The following PCSK1 variants were observed in gnomAD, a reference collection of about 807,000 sequenced individuals.
PCSK1 encodes the protein neuroendocrine convertase 1.
A neutral mutation model predicts 90.6 loss-of-function variants in PCSK1; 56 were observed. The ratio of observed to expected loss-of-function variants is 0.62; its 90% confidence interval spans 0.50 to 0.77. PCSK1 has a LOEUF of 0.77. Among genes scored for constraint, PCSK1 ranks in the 30% least tolerant of loss-of-function variants. PCSK1 has a pLI of 0.00. For missense variants in PCSK1, 801 were observed against 932.6 expected (o/e 0.86, Z 1.84); for synonymous variants, 348 against 342.4 (o/e 1.02, Z -0.18).
intron 9 of PCSK1, among the ~76,000 whole-genome samples, chr5:96,401,465 T>C (rs547133019): frequency 2.0e-5 from 3 of 152,208 alleles, no homozygotes; most frequent in Non-Finnish European, 2.9e-5. Flanking sequence ...TACTTTATCT[T>C]TTGGGCAGTG....
chr5:96,425,069 A>AAAGG (rs1025828202), intron 3 of PCSK1, among the ~76,000 whole-genome samples: 8 of 147,904 alleles, frequency 5.4e-5, no homozygotes, highest in Admixed American at 2.0e-4. Context: ...AGAAAGAAAG[A>AAAGG]AAGAAAACGT....
chr5:96,416,153 T>A, intron 5 of PCSK1, 32 bp from the exon 6 acceptor site: 1 of 1,419,768 alleles, frequency 7.0e-7, no homozygotes, highest in Non-Finnish European at 1.0e-6. Flanking sequence ...TTATAAAACA[T>A]ACAGAAGAAC....
chr5:96,393,082 A>T lies in PCSK1; in HGVS notation c.2181T>A (p.Val727=). ...EDSLYNDYVD[V]FYNTKPYKHR... The stretch of plus-strand genomic sequence containing the variant: ...GCTTGTAAGGTTTAGTGTTATAAAA[A>T]ACATCAACATAGTCATTATACAGAC... The change falls in exon 14 of 14, where the codon GTT becomes GTA. Residue 727 remains valine, a synonymous_variant. Coordinates refer to ENST00000311106, the MANE Select transcript of PCSK1 (RefSeq NM_000439.5). 1 of 1,614,134 alleles carries T rather than the reference A, an allele frequency of 6.2e-7. No individual in the cohort carries two copies. The highest frequency in any genetic ancestry group is 2.2e-5 in the East Asian group (1 of 44,886).
intron 6 of PCSK1, chr5:96,412,777 G>A (rs200882906): frequency 5.4e-6 from 1 of 185,696 alleles, no homozygotes; most frequent in South Asian, 4.8e-5. Flanking sequence ...TTTTTTTTTG[G>A]TCCCACTCAA....
Position 96,393,281 on chromosome 5 carries a change from C to G in PCSK1, c.1982G>C (p.Gly661Ala), listed in dbSNP as rs544018373. Residue 661 changes from glycine (G) to alanine (A), a missense_variant, in exon 14 of 14, where the codon GGA (glycine) becomes GCA (alanine). Transcript: ENST00000311106. ...VGGRRDELEE[G>A]APSQAMLRLL... ...TCGCAGCATGGCCTGGGAAGGGGCT[C>G]CCTCCTCCAACTCATCCCTCCGGCC... 10 of 1,613,866 alleles carry G rather than the reference C, an allele frequency of 6.2e-6. No homozygotes were observed. The highest frequency in any genetic ancestry group is 8.5e-6 in the Non-Finnish European group (10 of 1,179,952).
chr5:96,407,278 C>T (rs548988513), intron 9 of PCSK1, among the ~76,000 whole-genome samples: 6 of 152,080 alleles, frequency 3.9e-5, no homozygotes, highest in African/African-American at 1.4e-4. Flanking sequence ...TTTTGTGAAC[C>T]AAGGCCATAA....
At chr5:96,401,171 A>G (rs1410844309) in intron 9 of PCSK1, among the ~76,000 whole-genome samples, 1 of 151,500 alleles carries the variant, frequency 6.6e-6, no homozygotes, top group African/African-American at 2.4e-5. Flanking sequence ...GGTGAGTGCT[A>G]TATTCATAGC....
At chr5:96,413,843 G>A (rs561970855) in intron 6 of PCSK1, among the ~76,000 whole-genome samples, 1 of 149,224 alleles carries the variant, frequency 6.7e-6, no homozygotes, top group African/African-American at 2.5e-5. Context: ...AAATCGGCCA[G>A]GTGCGGTGGC....
chr5:96,393,337 C>A lies in PCSK1; in HGVS notation c.1926G>T (p.Val642=). ...TQENPKENTL[V]SKSPSSSSVG... Reference sequence around the variant, plus strand: ...CGCTGCTGCTGCTGGGGCTTTTGGACACCAGGGTGTTCTCCTTAGGGTTCT... The same window carrying A: ...CGCTGCTGCTGCTGGGGCTTTTGGAAACCAGGGTGTTCTCCTTAGGGTTCT... Residue 642 remains valine (V), a synonymous_variant, in exon 14 of 14, where the codon GTG becomes GTT. Transcript: ENST00000311106. 6.2e-7 allele frequency: 1 copy of A among 1,614,126 alleles called. No homozygotes were observed. The highest frequency in any genetic ancestry group is 8.5e-7 in the Non-Finnish European group (1 of 1,179,998).
At chr5:96,430,348 T>C (rs1422741127) in intron 1 of PCSK1, among the ~76,000 whole-genome samples, 1 of 152,354 alleles carries the variant, frequency 6.6e-6, no homozygotes, top group East Asian at 1.9e-4. Context: ...CAACAGTATA[T>C]TACAGAAGAA....
intron 8 of PCSK1, 120 bp from the exon 9 acceptor site, chr5:96,408,443 A>G (rs1316774283): frequency 4.1e-6 from 3 of 730,148 alleles, no homozygotes; most frequent in Non-Finnish European, 7.3e-6. Context: ...AGCTGATTCG[A>G]TTGCCTACTT....
chr5:96,400,627 G>A (rs895469643), intron 9 of PCSK1, among the ~76,000 whole-genome samples: 3 of 152,216 alleles, frequency 2.0e-5, no homozygotes, highest in Admixed American at 6.5e-5. Flanking sequence ...TTCTTAGGAA[G>A]AGTGAGATGT....
At chr5:96,414,452 A>G (rs1431847240) in intron 6 of PCSK1, among the ~76,000 whole-genome samples, 1 of 152,148 alleles carries the variant, frequency 6.6e-6, no homozygotes, top group Admixed American at 6.5e-5. Context: ...CAGAATTTGA[A>G]CCCTACAAAT....
At chr5:96,409,464 A>C (rs1325479555) in intron 8 of PCSK1, among the ~76,000 whole-genome samples, 1 of 152,194 alleles carries the variant, frequency 6.6e-6, no homozygotes, top group Non-Finnish European at 1.5e-5. Flanking sequence ...TTTGCGTAAG[A>C]AAAAGGTTAT....
intron 3 of PCSK1, among the ~76,000 whole-genome samples, chr5:96,424,673 T>C (rs114765112): frequency 0.025 from 3,745 of 152,234 alleles, 150 homozygotes; most frequent in African/African-American, 0.086. Flanking sequence ...CTTAAGATAG[T>C]GGCAAGAGGC....
rs1389429239 is a variant in PCSK1 at position 96,433,228 on chromosome 5, G to C, written c.-186C>G. 3 of 637,218 alleles carry C rather than the reference G, an allele frequency of 4.7e-6. No individual in the cohort carries two copies. The highest frequency in any genetic ancestry group is 3.6e-5 in the African/African-American group (2 of 55,092). 39.5% of individuals were successfully genotyped at this position (637,218 alleles called of 1,614,324 possible). A position where few individuals can be genotyped will look rare whatever the true frequency, so the allele number is the denominator to read the frequency against. On this transcript the variant is annotated 5_prime_UTR_variant, in exon 1 of 14. Coordinates refer to ENST00000311106, the MANE Select transcript of PCSK1 (RefSeq NM_000439.5). The stretch of plus-strand genomic sequence containing the variant: ...GGCGGCGGCGAGCGCTCAGTGAAGC[G>C]CTTCGGTCTCCAGGCTGAGTGGAGC...
At chr5:96,402,272 C>T (rs757193649) in intron 9 of PCSK1, among the ~76,000 whole-genome samples, 4 of 152,224 alleles carry the variant, frequency 2.6e-5, no homozygotes, top group South Asian at 2.1e-4. Context: ...GCACGACACA[C>T]GGGGAAGCTG....
intron 6 of PCSK1, chr5:96,412,893 TC>T: frequency 6.9e-6 from 1 of 145,502 alleles, no homozygotes; most frequent in Non-Finnish European, 1.2e-5. Context: ...ATGTTTGCCC[TC>T]CCTCCCACCC....
chr5:96,425,058 AAG>A (rs1491380333), intron 3 of PCSK1, among the ~76,000 whole-genome samples: 1 of 131,700 alleles, frequency 7.6e-6, no homozygotes, highest in Non-Finnish European at 1.7e-5. Flanking sequence ...GAAAGAAAGA[AAG>A]AAAGAAAGAA....
Sources: allele counts gnomAD v4.1 joint callset (sites outside exome capture counted in the v4.1 genomes callset), GRCh38; gene constraint gnomAD v4.1.1; transcripts MANE v1.5; gene names NCBI Gene and HGNC (gene_info 2026-07-23, HGNC 2026-07-21).